Variants in GRIP1 observed in about 807,000 individuals in gnomAD.
GRIP1 encodes glutamate receptor-interacting protein 1.
In GRIP1, 45 loss-of-function variants were observed where a neutral mutation model predicts 129.9. The observed-to-expected ratio is 0.35, with a 90% CI of 0.27 to 0.44. The LOEUF is 0.44. Among genes scored for constraint, GRIP1 ranks in the 20% least tolerant of loss-of-function variants. The probability of loss-of-function intolerance (pLI) is 1.00; values close to 1 mark genes in which losing one functional copy is unlikely to be tolerated. For missense variants in GRIP1, 1,196 were observed against 1,396.8 expected, an observed-to-expected ratio of 0.86 and a Z score of 2.29; for synonymous variants, 530 against 520.8, an observed-to-expected ratio of 1.02 and a Z score of -0.24.
chr12:66,534,460 G>C (rs2061550056), intron 4 of GRIP1, among the ~76,000 whole-genome samples: 1 of 152,060 alleles, frequency 6.6e-6, no homozygotes, highest in African/African-American at 2.4e-5. Context: ...TAAATACTCA[G>C]ATCTTATGAT....
chr12:66,962,477 G>A (rs570778443), intron 1 of GRIP1, among the ~76,000 whole-genome samples: 12 of 152,110 alleles, frequency 7.9e-5, no homozygotes, highest in Admixed American at 2.0e-4. Flanking sequence ...TAAACAGTGC[G>A]ACTTAGACTA....
At chr12:67,024,494 C>T (rs980565179) in intron 1 of GRIP1, among the ~76,000 whole-genome samples, 7 of 152,116 alleles carry the variant, frequency 4.6e-5, no homozygotes, top group Non-Finnish European at 1.0e-4. Context: ...TGAAATAGGA[C>T]TTACTGGTTT....
chr12:66,580,353 C>T (rs4356309), intron 2 of GRIP1, among the ~76,000 whole-genome samples: 39,135 of 148,336 alleles, frequency 0.26, 5,698 homozygotes, highest in East Asian at 0.48. Context: ...CATCAACTAA[C>T]GAGCAAAATC....
intron 1 of GRIP1, among the ~76,000 whole-genome samples, chr12:66,856,090 T>A (rs1286317114): frequency 2.6e-5 from 4 of 152,070 alleles, no homozygotes; most frequent in Admixed American, 6.6e-5. Flanking sequence ...GAAACCATCT[T>A]TGACAAACCT....
At chr12:66,396,078 A>C (rs1328062031) in intron 16 of GRIP1, among the ~76,000 whole-genome samples, 1 of 152,234 alleles carries the variant, frequency 6.6e-6, no homozygotes, top group Non-Finnish European at 1.5e-5. Flanking sequence ...ATCCTGGATG[A>C]AATTCTGAAT....
At chr12:66,496,717 A>G (rs535906337) in intron 7 of GRIP1, among the ~76,000 whole-genome samples, 18 of 152,290 alleles carry the variant, frequency 1.2e-4, no homozygotes, top group South Asian at 4.2e-4. Context: ...GTATGGGCCA[A>G]TGAATGGCCT....
intron 1 of GRIP1, among the ~76,000 whole-genome samples, chr12:66,790,529 C>T (rs1372760191): frequency 1.3e-5 from 2 of 151,470 alleles, no homozygotes; most frequent in Non-Finnish European, 2.9e-5. Flanking sequence ...TATGGACTAC[C>T]CCGGGTGCAG....
intron 1 of GRIP1, among the ~76,000 whole-genome samples, chr12:66,788,381 A>G (rs1456933703): frequency 2.0e-5 from 3 of 151,890 alleles, no homozygotes; most frequent in Non-Finnish European, 4.4e-5. Context: ...TTTAACATGA[A>G]TAAGGTAGGC....
intron 7 of GRIP1, among the ~76,000 whole-genome samples, chr12:66,472,574 GCAAGATCAACA>G (rs2059469287): frequency 6.6e-6 from 1 of 152,108 alleles, no homozygotes; most frequent in East Asian, 1.9e-4. Flanking sequence ...GCAGCTCGCA[GCAAGATCAACA>G]CAGAAGGCGG....
Position 66,379,360 on chromosome 12 carries a change from G to C in GRIP1, c.2541C>G (p.Ser847=). ...WRSPKQRGSL[S]PVTKPRSQTY... ...TCTGGCTTCGAGGCTTAGTGACTGG[G>C]GACAAGCTGCCTCTCTGTTTTGGAC... Residue 847 remains serine, a synonymous_variant, in exon 20 of 25, where the codon TCC becomes TCG. Coordinates refer to ENST00000359742, the MANE Select transcript of GRIP1 (RefSeq NM_001366722.1). 3 of 1,614,024 alleles carry C rather than the reference G, an allele frequency of 1.9e-6. No homozygotes were observed. The highest frequency in any genetic ancestry group is 2.5e-6 in the Non-Finnish European group (3 of 1,179,886).
chr12:66,372,756 GAAA>G (rs35922443), intron 22 of GRIP1, among the ~76,000 whole-genome samples: 1 of 145,940 alleles, frequency 6.9e-6, no homozygotes, highest in South Asian at 2.2e-4. Context: ...CTCAGAACTG[GAAA>G]AAAAAAAAAA....
At chr12:66,432,885 A>C (rs1374957725) in intron 13 of GRIP1, among the ~76,000 whole-genome samples, 1 of 152,184 alleles carries the variant, frequency 6.6e-6, no homozygotes, top group East Asian at 1.9e-4. Flanking sequence ...TGCACCATCT[A>C]CATCAAATTT....
intron 2 of GRIP1, among the ~76,000 whole-genome samples, chr12:66,581,128 A>G (rs1376468948): frequency 6.6e-6 from 1 of 152,228 alleles, no homozygotes; most frequent in Non-Finnish European, 1.5e-5. Flanking sequence ...CTACATGGAA[A>G]CTGAACAACC....
intron 1 of GRIP1, among the ~76,000 whole-genome samples, chr12:66,627,199 T>C (rs1250859042): frequency 2.0e-5 from 3 of 152,012 alleles, no homozygotes; most frequent in African/African-American, 7.3e-5. Context: ...TTGTGGTAGA[T>C]TCCGGTGCCT....
chr12:66,764,519 G>T (rs1054593794), intron 1 of GRIP1, among the ~76,000 whole-genome samples: 1 of 152,180 alleles, frequency 6.6e-6, no homozygotes, highest in African/African-American at 2.4e-5. Flanking sequence ...TCAGGAATGT[G>T]CTTTACTTCA....
intron 2 of GRIP1, among the ~76,000 whole-genome samples, chr12:66,594,873 CAA>C (rs2063987376): frequency 6.6e-6 from 1 of 152,130 alleles, no homozygotes. Context: ...TTTGCCAGAA[CAA>C]AAGTTCATAG....
intron 1 of GRIP1, among the ~76,000 whole-genome samples, chr12:66,686,659 A>G (rs2034795822): frequency 1.3e-5 from 2 of 152,204 alleles, no homozygotes; most frequent in South Asian, 4.1e-4. Context: ...TTAAAAACAA[A>G]CTAACTACAA....
intron 2 of GRIP1, among the ~76,000 whole-genome samples, chr12:66,562,648 A>G (rs1291863492): frequency 6.6e-6 from 1 of 152,160 alleles, no homozygotes; most frequent in Non-Finnish European, 1.5e-5. Context: ...CAGTAGAAGG[A>G]GTTTTTATGA....
At chr12:66,633,955 G>C (rs543172999) in intron 1 of GRIP1, among the ~76,000 whole-genome samples, 1 of 152,338 alleles carries the variant, frequency 6.6e-6, no homozygotes, top group Non-Finnish European at 1.5e-5. Context: ...AGGTGGATGA[G>C]AGGCATATGA....
Sources: gnomAD v4.1 joint callset for allele counts (sites outside exome capture counted in the v4.1 genomes callset) on GRCh38, gnomAD v4.1.1 for gene constraint, MANE v1.5 for transcripts, NCBI Gene and HGNC (gene_info 2026-07-23, HGNC 2026-07-21) for gene names.